Variants in SEC23A observed in about 807,000 individuals in gnomAD.
SEC23A encodes SEC23 homolog A, COPII component, also known as protein transport protein Sec23A.
SEC23A carries 56 observed loss-of-function variants against 103.7 expected under a neutral mutation model. That is an observed-to-expected ratio of 0.54 (90% CI 0.44 to 0.67). The LOEUF is 0.67. Among genes scored for constraint, SEC23A ranks in the 30% least tolerant of loss-of-function variants. SEC23A has a pLI of 0.00. For synonymous variants in SEC23A, 281 were observed against 293.0 expected (o/e 0.96, Z 0.42); for missense variants, 784 against 936.4 (o/e 0.84, Z 2.12).
chr14:39,094,031 G>GT (rs140472059), intron 2 of SEC23A, among the ~76,000 whole-genome samples: 2 of 150,500 alleles, frequency 1.3e-5, no homozygotes, highest in African/African-American at 4.9e-5. Context: ...TACTTTTGGT[G>GT]TTTTTTTTGA....
intron 10 of SEC23A, among the ~76,000 whole-genome samples, chr14:39,066,030 A>C (rs1181970353): frequency 5.7e-5 from 8 of 139,726 alleles, no homozygotes; most frequent in African/African-American, 2.1e-4. Context: ...AAAAAAAAAA[A>C]AAACTATAAG....
chr14:39,051,353 A>C (rs1283883711), intron 14 of SEC23A, among the ~76,000 whole-genome samples: 2 of 152,202 alleles, frequency 1.3e-5, no homozygotes. Context: ...GGGCCACAAG[A>C]CTAATCTGGT....
intron 9 of SEC23A, among the ~76,000 whole-genome samples, chr14:39,071,283 AG>A (rs1217900015): frequency 8.7e-6 from 1 of 114,372 alleles, no homozygotes; most frequent in Admixed American, 9.4e-5. Context: ...ACAAGGTTGC[AG>A]GGGGTAAAAT....
rs748835653 is a variant in SEC23A, at chr14:39,045,236, C to T, written c.1826G>A (p.Arg609His). 9.9e-6 allele frequency: 16 copies of T among 1,613,124 alleles called. No homozygotes were observed. The highest frequency in any genetic ancestry group is 2.7e-5 in the African/African-American group (2 of 74,838). Reference sequence around the variant, plus strand: ...AATTAGAGACTGGGTCAGATCTTGACGCATAAAATGGTGACGATAATATGA... The same window carrying T: ...AATTAGAGACTGGGTCAGATCTTGATGCATAAAATGGTGACGATAATATGA... ...ESSYYRHHFMRQDLTQSLIMI... is the reference protein window; with the variant it reads ...ESSYYRHHFMHQDLTQSLIMI... Residue 609 changes from arginine to histidine, a missense_variant, in exon 16 of 20, where the codon CGT (arginine) becomes CAT (histidine). Around this residue, in one of 2 missense-constraint regions of SEC23A, gnomAD observed 683 missense variants for 774.2 expected, o/e 0.88. Transcript: ENST00000307712.
At chr14:39,044,118 G>A (rs1409267637) in intron 16 of SEC23A, among the ~76,000 whole-genome samples, 2 of 152,108 alleles carry the variant, frequency 1.3e-5, no homozygotes, top group African/African-American at 4.8e-5. Context: ...ATATAGAACA[G>A]AAAGAAGATA....
At chr14:39,048,515 G>T in intron 15 of SEC23A, 137 bp downstream of exon 15, 1 of 643,788 alleles carries the variant, frequency 1.6e-6, no homozygotes, top group South Asian at 1.8e-5. Context: ...TCAGGAGGCT[G>T]ACTAAGCCCC....
At chr14:39,038,926 C>G (rs1449817186) in intron 19 of SEC23A, 105 bp downstream of exon 19, 1 of 999,644 alleles carries the variant, frequency 1.0e-6, no homozygotes, top group Non-Finnish European at 1.6e-6. Context: ...ACTTTTCCAA[C>G]AGAAACCATT....
intron 19 of SEC23A, among the ~76,000 whole-genome samples, chr14:39,038,090 C>T (rs73285749): frequency 0.018 from 2,744 of 152,296 alleles, 98 homozygotes; most frequent in African/African-American, 0.063. Flanking sequence ...CCACAATTTA[C>T]TTGTACAACA....
At chr14:39,087,467 T>C (rs922336435) in intron 5 of SEC23A, 5 of 186,856 alleles carry the variant, frequency 2.7e-5, no homozygotes, top group Non-Finnish European at 3.3e-5. Flanking sequence ...GATAAATAAA[T>C]GTAAAATTGC....
intron 13 of SEC23A, among the ~76,000 whole-genome samples, chr14:39,059,467 CATA>C (rs1422301275): frequency 6.6e-6 from 1 of 151,962 alleles, no homozygotes; most frequent in Non-Finnish European, 1.5e-5. Flanking sequence ...TATATAAGCC[CATA>C]ATATTTCTCA....
intron 15 of SEC23A, among the ~76,000 whole-genome samples, 155 bp downstream of exon 15, chr14:39,048,497 C>T (rs1032878429): frequency 6.6e-6 from 1 of 151,980 alleles, no homozygotes; most frequent in African/African-American, 2.4e-5. Flanking sequence ...TCCTGTAGTC[C>T]TAACTACTCA....
At chr14:39,066,104 C>G (rs1401547620) in intron 10 of SEC23A, among the ~76,000 whole-genome samples, 1 of 147,496 alleles carries the variant, frequency 6.8e-6, no homozygotes, top group Non-Finnish European at 1.5e-5. Flanking sequence ...CTTCTCTAAA[C>G]CTTTATAGTG....
chr14:39,041,385 A>C (rs1281532183), intron 17 of SEC23A: 2 of 148,254 alleles, frequency 1.3e-5, no homozygotes, highest in Non-Finnish European at 3.0e-5. Context: ...AAAAAGTAAA[A>C]ATCACCATAA....
At chr14:39,061,622 G>A in intron 13 of SEC23A, 143 bp downstream of exon 13, 1 of 680,942 alleles carries the variant, frequency 1.5e-6, no homozygotes, top group Non-Finnish European at 2.6e-6. Flanking sequence ...AATAAGCTGG[G>A]TTAGAAAGAA....
intron 16 of SEC23A, among the ~76,000 whole-genome samples, chr14:39,043,303 G>T (rs1310741400): frequency 6.6e-6 from 1 of 152,020 alleles, no homozygotes; most frequent in Non-Finnish European, 1.5e-5. Context: ...GCCTAAATTT[G>T]AAATTTATAT....
chr14:39,070,828 A>G (rs1886817730), intron 9 of SEC23A, among the ~76,000 whole-genome samples: 1 of 152,170 alleles, frequency 6.6e-6, no homozygotes, highest in African/African-American at 2.4e-5. Context: ...GGAGTCCGAG[A>G]CTAGCCTGAC....
chr14:39,075,868 T>C (rs777555167), intron 8 of SEC23A, 67 bp downstream of exon 8: 36 of 1,364,776 alleles, frequency 2.6e-5, no homozygotes, highest in Non-Finnish European at 3.7e-5. Flanking sequence ...CTATTTGTAT[T>C]CTTCTTCTGC....
At chr14:39,090,482 G>A (rs1387646004) in intron 5 of SEC23A, among the ~76,000 whole-genome samples, 2 of 152,036 alleles carry the variant, frequency 1.3e-5, no homozygotes, top group Non-Finnish European at 2.9e-5. Context: ...GGAAGAGAAA[G>A]CTTCAATTTG....
Position 39,076,066 on chromosome 14 carries a change from T to C in SEC23A, c.856A>G (p.Ile286Val). 6.2e-7 allele frequency: 1 copy of C among 1,613,508 alleles called. No individual in the cohort carries two copies. Among genetic ancestry groups the C allele is most frequent in the East Asian group, 2.2e-5 (1 of 44,848 alleles). ...ECTFPNTGAR[I>V]MMFIGGPATQ... ...GCAGGACCACCAATGAACATCATGA[T>C]ACGAGCACCAGTGTTGGGAAAAGTA... Residue 286 changes from isoleucine (I) to valine (V), a missense_variant, in exon 8 of 20, where the codon ATC (isoleucine) becomes GTC (valine). Coordinates refer to ENST00000307712, the MANE Select transcript of SEC23A (RefSeq NM_006364.4).
Sources: allele counts gnomAD v4.1 joint callset (sites outside exome capture counted in the v4.1 genomes callset), GRCh38; gene constraint gnomAD v4.1.1; regional missense constraint gnomAD v4.1.1; transcripts MANE v1.5; gene names NCBI Gene and HGNC (gene_info 2026-07-23, HGNC 2026-07-21).